Variants in PSMD13 observed in about 807,000 individuals in gnomAD.
PSMD13 encodes the protein proteasome 26S subunit, non-ATPase 13.
A neutral mutation model predicts 57.4 loss-of-function variants in PSMD13; 8 were observed. That is an observed-to-expected ratio of 0.14 (90% CI 0.08 to 0.25). The LOEUF (loss-of-function observed/expected upper bound fraction) is 0.25. PSMD13 is among the 10% of genes least tolerant of loss of function. PSMD13 has a pLI of 1.00. For missense variants in PSMD13, 400 were observed against 461.5 expected (o/e 0.87, Z 1.22); for synonymous variants, 193 against 168.2 (o/e 1.15, Z -1.14).
rs551387537 is a variant in PSMD13, at chr11:251,223, C to T, written c.838-323C>T. 3.4e-5 allele frequency: 15 copies of T among 437,952 alleles called. No individual in the cohort carries two copies. Among genetic ancestry groups the T allele is most frequent in the African/African-American group, 1.2e-4 (6 of 50,708 alleles). 27.1% of individuals were successfully genotyped at this position (437,952 alleles called of 1,614,324 possible). A position where few individuals can be genotyped will look rare whatever the true frequency, so the allele number is the denominator to read the frequency against. On this transcript the variant is annotated intron_variant, in intron 10 of 12. Coordinates refer to ENST00000532097, the MANE Select transcript of PSMD13 (RefSeq NM_002817.4). The surrounding 1 kb of genome is among the most constrained non-coding windows in gnomAD (Gnocchi z 4.6). The stretch of plus-strand genomic sequence containing the variant: ...TCTTTCCCCACTAGAACTTAAGCTT[C>T]GTCAGGAAGTGGCCCTTAGATTTCT...
In PSMD13 at chr11:236,989, A is replaced by G; in HGVS notation, c.-61A>G. The G allele has an allele frequency of 2.1e-6, 3 of 1,414,116 alleles. No homozygotes were observed. Among genetic ancestry groups the G allele is most frequent in the African/African-American group, 1.4e-5 (1 of 70,806 alleles). 87.6% of individuals were successfully genotyped at this position (1,414,116 alleles called of 1,614,324 possible). A position where few individuals can be genotyped will look rare whatever the true frequency, so the allele number is the denominator to read the frequency against. On this transcript the variant is annotated 5_prime_UTR_variant, in exon 1 of 13. Coordinates refer to ENST00000532097, the MANE Select transcript of PSMD13 (RefSeq NM_002817.4). ...CCGGAAGTGAGTGAGCATTTCCGGC[A>G]GCCATCCCCGCGGTGCTGACATCCC...
chr11:239,556 G>A (rs1014532151), intron 2 of PSMD13, among the ~76,000 whole-genome samples: 1 of 152,084 alleles, frequency 6.6e-6, no homozygotes. Flanking sequence ...CGCACTGCTT[G>A]CTTGCCCAGA....
chr11:248,590 G>GTATA, intron 7 of PSMD13, 186 bp from the exon 8 acceptor site: 1 of 608,288 alleles, frequency 1.6e-6, no homozygotes, highest in South Asian at 2.1e-5. Flanking sequence ...AAAAACCCAT[G>GTATA]TATATATGGT....
intron 6 of PSMD13, among the ~76,000 whole-genome samples, chr11:246,067 T>C (rs752441566): frequency 6.6e-6 from 1 of 152,134 alleles, no homozygotes; most frequent in Non-Finnish European, 1.5e-5. Context: ...CTTCATTAAA[T>C]AGGGGTGTGT....
At chr11:245,554 A>G (rs1252626551) in intron 6 of PSMD13, among the ~76,000 whole-genome samples, 1 of 151,572 alleles carries the variant, frequency 6.6e-6, no homozygotes, top group African/African-American at 2.4e-5. Flanking sequence ...CTTATGTTCA[A>G]TTATGTTTTG....
At chr11:249,116 A>C in intron 9 of PSMD13, 59 bp downstream of exon 9, 1 of 1,597,362 alleles carries the variant, frequency 6.3e-7, no homozygotes, top group Non-Finnish European at 8.5e-7. Context: ...CTCATACAAC[A>C]GATGTTCATT....
chr11:251,812 C>A lies in PSMD13; in HGVS notation c.919-8C>A. ...TCTTGTCTTACACACGCCTCCCTCT[C>A]TGCACAGGTGGAGCTTCTGGTGATG... On this transcript the variant is annotated splice_polypyrimidine_tract_variant and splice_region_variant and intron_variant, in intron 11 of 12. Transcript: ENST00000532097. The surrounding 1 kb of genome is among the most constrained non-coding windows in gnomAD (Gnocchi z 4.6). 2.5e-6 allele frequency: 4 copies of A among 1,613,224 alleles called. No individual in the cohort carries two copies. Among genetic ancestry groups the A allele is most frequent in the Non-Finnish European group, 2.5e-6 (3 of 1,179,308 alleles).
chr11:250,672 T>C (rs1176886040), intron 9 of PSMD13, 131 bp from the exon 10 acceptor site: 1 of 718,696 alleles, frequency 1.4e-6, no homozygotes, highest in Non-Finnish European at 2.5e-6. Context: ...CAGTCTGCAA[T>C]GTGAAATGTT....
Position 237,079 on chromosome 11 carries a change from G to C in PSMD13, c.30G>C (p.Gln10His), listed in dbSNP as rs1859267249. MKDVPGFLQ[Q>H]SQNSGPGQPA... Reference sequence around the variant, plus strand: ...AGGACGTACCGGGCTTCCTACAGCAGAGCCAGAACTCCGGGCCCGGGCAGC... The same window carrying C: ...AGGACGTACCGGGCTTCCTACAGCACAGCCAGAACTCCGGGCCCGGGCAGC... The change falls in exon 1 of 13, where the codon CAG (glutamine) becomes CAC (histidine). Residue 10 changes from glutamine to histidine, a missense_variant. Transcript: ENST00000532097. The C allele has an allele frequency of 6.2e-7, 1 of 1,614,030 alleles. No individual in the cohort carries two copies. The highest frequency in any genetic ancestry group is 8.5e-7 in the Non-Finnish European group (1 of 1,179,936).
In PSMD13 at chr11:241,872, G is replaced by A. The variant is rs143901716; in HGVS notation, c.175-2169G>A. On this transcript the variant is annotated intron_variant, in intron 2 of 12. Coordinates refer to ENST00000532097, the MANE Select transcript of PSMD13 (RefSeq NM_002817.4). The stretch of plus-strand genomic sequence containing the variant: ...ATGATCATGTGTGTCCTCTGGTTCG[G>A]CCTTGCACTCTGGACAGAGACCAAT... 4.9e-3 allele frequency among the ~76,000 whole-genome samples: 741 copies of A among 152,220 alleles called. 6 individuals carry two copies. The highest frequency in any genetic ancestry group is 0.017 in the African/African-American group (709 of 41,526).
At chr11:244,817 GAA>G (rs141244868) in intron 6 of PSMD13, 56 bp downstream of exon 6, 1 of 1,323,744 alleles carries the variant, frequency 7.6e-7, no homozygotes, top group Non-Finnish European at 1.0e-6. Flanking sequence ...AAAACCCTAG[GAA>G]AAAAAATAAC....
rs1046621676 is a variant in PSMD13, at chr11:251,708, C to T, written c.918+82C>T. On this transcript the variant is annotated intron_variant, in intron 11 of 12. Transcript: ENST00000532097. This position sits in a 1 kb window ranked among gnomAD's most constrained non-coding sequence, Gnocchi z 4.6. ...AGGCTCTTGTGTGAGCGCTGTGCTCCCTAGACAGTAAAAAATGACGGGAGG... is the reference window on the plus strand; with the variant it reads ...AGGCTCTTGTGTGAGCGCTGTGCTCTCTAGACAGTAAAAAATGACGGGAGG... 3.3e-6 allele frequency: 5 copies of T among 1,537,144 alleles called. No homozygotes were observed. The highest frequency in any genetic ancestry group is 1.7e-5 in the Admixed American group (1 of 57,922).
At chr11:237,485 C>T (rs1008695902) in intron 1 of PSMD13, among the ~76,000 whole-genome samples, 2 of 152,226 alleles carry the variant, frequency 1.3e-5, no homozygotes, top group Admixed American at 1.3e-4. Flanking sequence ...TTGATTTTAG[C>T]TCTTGATTCC....
intron 2 of PSMD13, among the ~76,000 whole-genome samples, chr11:241,572 AT>A (rs1859516501): frequency 6.6e-6 from 1 of 152,142 alleles, no homozygotes; most frequent in African/African-American, 2.4e-5. Context: ...AGTTAAGGTC[AT>A]TTGGAGGTTC....
intron 10 of PSMD13, 128 bp downstream of exon 10, chr11:250,993 C>G: frequency 1.3e-6 from 1 of 792,956 alleles, no homozygotes; most frequent in South Asian, 1.5e-5. Flanking sequence ...GTGCGCCGCT[C>G]TCTTCACCAC....
intron 4 of PSMD13, 28 bp from the exon 5 acceptor site, chr11:244,398 G>A: frequency 1.5e-5 from 24 of 1,603,962 alleles, no homozygotes; most frequent in Non-Finnish European, 2.0e-5. Context: ...TCTGTTGATG[G>A]TCCTTCTGAT....
Position 249,843 on chromosome 11 carries a change from A to G in PSMD13, c.774+786A>G, listed in dbSNP as rs182077155. Among the ~76,000 whole-genome samples the G allele has an allele frequency of 2.8e-4, 42 of 152,216 alleles. No individual in the cohort carries two copies. The East Asian group carries it at 8.1e-3, about 29-fold the overall frequency. ...TATGGTTATTTTTGTATTTTTCTGA[A>G]ACTTTCAATTTTCTCAGTTTAAAAT... On this transcript the variant is annotated intron_variant, in intron 9 of 12. Transcript: ENST00000532097.
At chr11:239,642 G>A (rs1859473403) in intron 2 of PSMD13, among the ~76,000 whole-genome samples, 1 of 152,066 alleles carries the variant, frequency 6.6e-6, no homozygotes, top group South Asian at 2.1e-4. Context: ...TGGAGGGAGA[G>A]TCCTGTATAG....
At chr11:244,892 A>T (rs1052700515) in intron 6 of PSMD13, 131 bp downstream of exon 6, 3 of 713,730 alleles carry the variant, frequency 4.2e-6, no homozygotes, top group Admixed American at 3.4e-5. Flanking sequence ...TTGCAAAAAT[A>T]ACACAAAGAA....
Sources: gnomAD v4.1 joint callset for allele counts (sites outside exome capture counted in the v4.1 genomes callset) on GRCh38, gnomAD v4.1.1 for gene constraint, Gnocchi (gnomAD v3.1) non-coding constraint, MANE v1.5 for transcripts, NCBI Gene and HGNC (gene_info 2026-07-23, HGNC 2026-07-21) for gene names.